Variants in PADI1 observed in about 807,000 individuals in gnomAD.
PADI1 encodes the protein protein-arginine deiminase type-1.
In PADI1, 65 loss-of-function variants were observed where a neutral mutation model predicts 74.8. The observed-to-expected ratio is 0.87, with a 90% CI of 0.71 to 1.07. The LOEUF (loss-of-function observed/expected upper bound fraction) is 1.07. Among genes scored for constraint, PADI1 ranks in the 50% least tolerant of loss-of-function variants. The pLI is 0.00. For synonymous variants in PADI1, 371 were observed against 336.2 expected (o/e 1.10, Z -1.13); for missense variants, 943 against 854.0 (o/e 1.10, Z -1.30).
In PADI1 at chr1:17,237,445, C is replaced by CA. The variant is rs766567127; in HGVS notation, c.1445_1446insA (p.Ser483LeufsTer2). On this transcript the variant is annotated frameshift_variant, in exon 12 of 16. Coordinates refer to ENST00000375471, the MANE Select transcript of PADI1 (RefSeq NM_013358.3). LOFTEE classifies it high-confidence loss of function. ...GACGAGTTTCTGACCTTTGTGCCTACCTCTGACCAAAAGGTGCGTCCCCTC... is the reference window on the plus strand; with the variant it reads ...GACGAGTTTCTGACCTTTGTGCCTACACTCTGACCAAAAGGTGCGTCCCCTC... The CA allele has an allele frequency of 3.7e-6, 6 of 1,611,344 alleles. No homozygotes were observed. In the African/African-American group the frequency reaches 8.0e-5, roughly 22 times the overall value.
At position 17,225,835 on chromosome 1, in the gene PADI1, G is replaced by C. The variant is rs779590846; in HGVS notation, c.433G>C (p.Gly145Arg). Reference sequence around the variant, plus strand: ...GAAAACCTGGCGCTGGGGCCCTGAGGGCTATGGGGCTATCTTGCTGGTGAA... The same window carrying C: ...GAAAACCTGGCGCTGGGGCCCTGAGCGCTATGGGGCTATCTTGCTGGTGAA... ...DKKTWRWGPE[G>R]YGAILLVNCD... The change falls in exon 5 of 16, where the codon GGC (glycine) becomes CGC (arginine). Residue 145 changes from glycine (G) to arginine (R), a missense_variant. Gly to Arg is a moderately radical substitution (Grantham distance 125). Transcript: ENST00000375471. 4 of 1,614,080 alleles carry C rather than the reference G, an allele frequency of 2.5e-6. No individual in the cohort carries two copies. Among genetic ancestry groups the C allele is most frequent in the Middle Eastern group, 1.7e-4 (1 of 6,060 alleles).
In PADI1 at chr1:17,225,829, C is replaced by A; in HGVS notation, c.427C>A (p.Pro143Thr). 1.2e-6 allele frequency: 2 copies of A among 1,614,048 alleles called. No homozygotes were observed. Among genetic ancestry groups the A allele is most frequent in the Non-Finnish European group, 1.7e-6 (2 of 1,179,938 alleles). ...GCCACAGAAAACCTGGCGCTGGGGCCCTGAGGGCTATGGGGCTATCTTGCT... is the reference window on the plus strand; with the variant it reads ...GCCACAGAAAACCTGGCGCTGGGGCACTGAGGGCTATGGGGCTATCTTGCT... ...QGDKKTWRWG[P>T]EGYGAILLVN... The change falls in exon 5 of 16, where the codon CCT (proline) becomes ACT (threonine). Residue 143 changes from proline to threonine, a missense_variant. By Grantham distance (38) the Pro-to-Thr change is conservative (BLOSUM62 -1). Transcript: ENST00000375471.
intron 8 of PADI1, among the ~76,000 whole-genome samples, chr1:17,229,883 T>C (rs1569818449): frequency 6.6e-6 from 1 of 152,214 alleles, no homozygotes; most frequent in South Asian, 2.1e-4. Flanking sequence ...TGCCCGCGCT[T>C]ATGCCTCACC....
intron 1 of PADI1, among the ~76,000 whole-genome samples, chr1:17,209,053 G>A (rs1367133616): frequency 6.6e-6 from 1 of 152,206 alleles, no homozygotes; most frequent in African/African-American, 2.4e-5. Flanking sequence ...CCTCTCAGAT[G>A]CATTTTCTGG....
chr1:17,231,936 C>T (rs534403954), intron 10 of PADI1, among the ~76,000 whole-genome samples: 3 of 135,352 alleles, frequency 2.2e-5, no homozygotes, highest in African/African-American at 8.9e-5. Flanking sequence ...AAAAAAAACA[C>T]GTGTTTGTTT....
chr1:17,230,288 T>G, intron 9 of PADI1, 80 bp downstream of exon 9: 2 of 1,534,666 alleles, frequency 1.3e-6, no homozygotes, highest in African/African-American at 1.4e-5. Context: ...ATGGACCCAG[T>G]GTCGCTAGAG....
At chr1:17,222,760 A>G (rs1438781251) in intron 2 of PADI1, among the ~76,000 whole-genome samples, 2 of 152,178 alleles carry the variant, frequency 1.3e-5, no homozygotes, top group African/African-American at 4.8e-5. Flanking sequence ...TAATCCCTGT[A>G]TTCAGCCCAC....
At position 17,242,269 on chromosome 1, in the gene PADI1, C is replaced by T. The variant is rs77308892; in HGVS notation, c.1758+1509C>T. ...AATGGACCCTGATTGAGAACCACGGCTTGAAGGCAGTGTTGTCTGTTAGAA... is the reference window on the plus strand; with the variant it reads ...AATGGACCCTGATTGAGAACCACGGTTTGAAGGCAGTGTTGTCTGTTAGAA... On this transcript the variant is annotated intron_variant, in intron 15 of 15. Coordinates refer to ENST00000375471, the MANE Select transcript of PADI1 (RefSeq NM_013358.3). Among the ~76,000 whole-genome samples the T allele has an allele frequency of 1.1e-3, 168 of 152,230 alleles. 3 individuals carry two copies. In the East Asian group the frequency reaches 0.032, roughly 29 times the overall value.
chr1:17,205,279 TG>T lies in PADI1; in HGVS notation c.65del (p.Gly22GlufsTer38). On this transcript the variant is annotated frameshift_variant, in exon 1 of 16. Coordinates refer to ENST00000375471, the MANE Select transcript of PADI1 (RefSeq NM_013358.3). LOFTEE classifies it high-confidence loss of function. Reference sequence around the variant, plus strand: ...ATGCCTACCCATGCCGTGTGTGTGGTGGGAGTCGAGGCACATGTGGACATTC... The same window carrying T: ...ATGCCTACCCATGCCGTGTGTGTGGTGGAGTCGAGGCACATGTGGACATTC... ...LKMPTHAVCV[V>X]GVEAHVDIHS... is the part of the protein sequence containing the mutation. 1 of 1,613,848 alleles carries T rather than the reference TG, an allele frequency of 6.2e-7. No individual in the cohort carries two copies. The highest frequency in any genetic ancestry group is 8.5e-7 in the Non-Finnish European group (1 of 1,179,930).
chr1:17,244,469 T>G lies in PADI1; in HGVS notation c.*226T>G. 3 of 636,174 alleles carry G rather than the reference T, an allele frequency of 4.7e-6. No homozygotes were observed. The highest frequency in any genetic ancestry group is 8.8e-6 in the Non-Finnish European group (3 of 342,674). 39.4% of individuals were successfully genotyped at this position (636,174 alleles called of 1,614,324 possible). A position where few individuals can be genotyped will look rare whatever the true frequency, so the allele number is the denominator to read the frequency against. ...TGCACCTCATTCTTCCCTGGCCTCTTTCCCACCCACAGCCCCCAGAGGCTC... is the reference window on the plus strand; with the variant it reads ...TGCACCTCATTCTTCCCTGGCCTCTGTCCCACCCACAGCCCCCAGAGGCTC... On this transcript the variant is annotated 3_prime_UTR_variant, in exon 16 of 16. Transcript: ENST00000375471.
intron 1 of PADI1, among the ~76,000 whole-genome samples, chr1:17,212,985 ACT>A (rs2071873493): frequency 6.6e-6 from 1 of 151,930 alleles, no homozygotes; most frequent in Admixed American, 6.6e-5. Context: ...CGAATTGCAC[ACT>A]CTCTCAACAC....
chr1:17,209,464 A>G (rs892530119), intron 1 of PADI1, among the ~76,000 whole-genome samples: 5 of 152,204 alleles, frequency 3.3e-5, no homozygotes, highest in Non-Finnish European at 7.3e-5. Context: ...TTCTTGAAAC[A>G]TAAAATATTG....
At chr1:17,236,985 G>A (rs540145299) in intron 11 of PADI1, among the ~76,000 whole-genome samples, 75 of 152,300 alleles carry the variant, frequency 4.9e-4, no homozygotes, top group African/African-American at 1.6e-3. Context: ...AAGGAGGGGC[G>A]CAGTGGGGAG....
chr1:17,241,109 G>C (rs954583345), intron 15 of PADI1, among the ~76,000 whole-genome samples: 1 of 152,174 alleles, frequency 6.6e-6, no homozygotes, highest in Non-Finnish European at 1.5e-5. Flanking sequence ...AGTGTTTCAG[G>C]CTTCTGTCTC....
chr1:17,207,443 A>G (rs1395494036), intron 1 of PADI1, among the ~76,000 whole-genome samples: 1 of 152,184 alleles, frequency 6.6e-6, no homozygotes, highest in Non-Finnish European at 1.5e-5. Flanking sequence ...ATATAACACC[A>G]GTTATAATGG....
intron 11 of PADI1, among the ~76,000 whole-genome samples, chr1:17,233,180 C>A (rs1446710028): frequency 6.6e-6 from 1 of 152,204 alleles, no homozygotes; most frequent in Non-Finnish European, 1.5e-5. Context: ...TTGTGGCCTG[C>A]GATCTTTTGG....
chr1:17,225,612 G>A (rs2072285619), intron 4 of PADI1, among the ~76,000 whole-genome samples, 199 bp from the exon 5 acceptor site: 1 of 152,190 alleles, frequency 6.6e-6, no homozygotes, highest in South Asian at 2.1e-4. Flanking sequence ...TGTGCAGGTT[G>A]CTCACTGCAC....
chr1:17,240,084 G>A (rs1004500762), intron 14 of PADI1: 17 of 364,988 alleles, frequency 4.7e-5, no homozygotes, highest in South Asian at 1.5e-4. Context: ...GGTGAAATGC[G>A]AGAGACACGG....
chr1:17,230,538 G>A (rs1205806589), intron 9 of PADI1, 34 bp from the exon 10 acceptor site: 1 of 1,470,464 alleles, frequency 6.8e-7, no homozygotes, highest in Non-Finnish European at 9.4e-7. Flanking sequence ...ACCCGAAAAA[G>A]GTCACTGTGG....
Sources: allele counts gnomAD v4.1 joint callset (sites outside exome capture counted in the v4.1 genomes callset), GRCh38; gene constraint gnomAD v4.1.1; transcripts MANE v1.5; gene names NCBI Gene and HGNC (gene_info 2026-07-23, HGNC 2026-07-21).